HPGD: variants seen among roughly 807,000 people sequenced by gnomAD.
HPGD encodes the protein 15-hydroxyprostaglandin dehydrogenase [NAD(+)].
Under a neutral mutation model 30.0 loss-of-function variants are expected in HPGD, and 29 were observed. The ratio of observed to expected loss-of-function variants is 0.97; its 90% confidence interval spans 0.72 to 1.32. The LOEUF (loss-of-function observed/expected upper bound fraction) is 1.32. HPGD is among the 40% of genes most tolerant of loss of function. The pLI is 0.00. For synonymous variants in HPGD, 99 were observed against 112.4 expected, an observed-to-expected ratio of 0.88 and a Z score of 0.75; for missense variants, 340 against 322.1, an observed-to-expected ratio of 1.06 and a Z score of -0.43.
chr4:174,495,721 C>T, intron 4 of HPGD, 97 bp from the exon 5 acceptor site: 2 of 842,252 alleles, frequency 2.4e-6, no homozygotes, highest in East Asian at 2.6e-5. Context: ...GTGATAATTT[C>T]AATTTAAGAT....
Position 174,491,872 on chromosome 4 carries a change from T to C in HPGD, c.*84A>G. On this transcript the variant is annotated 3_prime_UTR_variant, in exon 7 of 7. Coordinates refer to ENST00000296522, the MANE Select transcript of HPGD (RefSeq NM_000860.6). The stretch of plus-strand genomic sequence containing the variant: ...GAAAACTTCAAACTGTAACATTTCA[T>C]TTAAAAGCTATATTCAAATGAAGAT... 1.6e-6 allele frequency: 2 copies of C among 1,271,998 alleles called. No individual in the cohort carries two copies. The highest frequency in any genetic ancestry group is 1.1e-6 in the Non-Finnish European group (1 of 874,644). The allele number at this position is 1,271,998 out of a possible 1,614,324, so 78.8% of individuals were successfully genotyped here.
At position 174,515,469 on chromosome 4, in the gene HPGD, T is replaced by C. The variant is rs112467316; in HGVS notation, c.324+2502A>G. Among the ~76,000 whole-genome samples the C allele has an allele frequency of 6.1e-3, 923 of 152,034 alleles. 9 individuals are homozygous for C. Among genetic ancestry groups the C allele is most frequent in the African/African-American group, 0.021 (879 of 41,504 alleles). On this transcript the variant is annotated intron_variant, in intron 3 of 6. Transcript: ENST00000296522. ...TAACCAGGTAGCCATATGCAGAAGA[T>C]TGAAACTGGACCCCTTCCTTACACC...
intron 4 of HPGD, among the ~76,000 whole-genome samples, chr4:174,497,314 C>A (rs945357342): frequency 6.6e-6 from 1 of 152,088 alleles, no homozygotes; most frequent in Non-Finnish European, 1.5e-5. Context: ...CTTTGGAACC[C>A]CAGCTAGTTC....
At chr4:174,519,602 C>T (rs1560990530) in intron 2 of HPGD, among the ~76,000 whole-genome samples, 1 of 152,100 alleles carries the variant, frequency 6.6e-6, no homozygotes, top group South Asian at 2.1e-4. Context: ...AATGGCCGGT[C>T]CTTGCCTTAA....
intron 4 of HPGD, among the ~76,000 whole-genome samples, chr4:174,502,588 G>C (rs1044388341): frequency 7.3e-5 from 11 of 150,106 alleles, no homozygotes; most frequent in Non-Finnish European, 1.6e-4. Flanking sequence ...TGAGGCAGGA[G>C]AATGGCGTGA....
At chr4:174,502,542 G>A (rs969955049) in intron 4 of HPGD, among the ~76,000 whole-genome samples, 5 of 152,088 alleles carry the variant, frequency 3.3e-5, no homozygotes, top group Non-Finnish European at 5.9e-5. Flanking sequence ...GCCAGGCGTG[G>A]TGGCGGGCGC....
chr4:174,497,790 A>G (rs1181628206), intron 4 of HPGD, among the ~76,000 whole-genome samples: 1 of 150,920 alleles, frequency 6.6e-6, no homozygotes, highest in Non-Finnish European at 1.5e-5. Flanking sequence ...GTTGGCCAGG[A>G]TGGTCTTGAT....
intron 3 of HPGD, among the ~76,000 whole-genome samples, chr4:174,512,267 G>A (rs1579295967): frequency 6.6e-6 from 1 of 152,246 alleles, no homozygotes; most frequent in South Asian, 2.1e-4. Flanking sequence ...ACTAACATCT[G>A]TAAGGACACA....
At chr4:174,495,256 A>G (rs954734784) in intron 5 of HPGD, 5 of 403,374 alleles carry the variant, frequency 1.2e-5, no homozygotes, top group African/African-American at 2.0e-5. Context: ...TGAAGTTAAT[A>G]ATATTTCCAT....
At chr4:174,515,523 C>A (rs1735725482) in intron 3 of HPGD, among the ~76,000 whole-genome samples, 2 of 151,822 alleles carry the variant, frequency 1.3e-5, no homozygotes, top group Non-Finnish European at 2.9e-5. Context: ...TATACAAATT[C>A]TAGAAGAAAA....
intron 4 of HPGD, chr4:174,507,234 A>C (rs1341261932): frequency 6.6e-6 from 1 of 152,188 alleles, no homozygotes; most frequent in African/African-American, 2.4e-5. Context: ...GTTATAATTT[A>C]TAAGTAGTTG....
chr4:174,495,022 C>T (rs1389628410), intron 5 of HPGD, among the ~76,000 whole-genome samples: 1 of 152,174 alleles, frequency 6.6e-6, no homozygotes, highest in East Asian at 1.9e-4. Flanking sequence ...CAGGCATTCT[C>T]ACCTCATGCT....
upstream of HPGD, chr4:174,522,570 G>A: frequency 3.1e-6 from 2 of 655,004 alleles, no homozygotes; most frequent in Non-Finnish European, 4.8e-6. Flanking sequence ...CTGCCAGTGG[G>A]CGGGGAGGAA....
intron 2 of HPGD, among the ~76,000 whole-genome samples, chr4:174,521,402 G>T (rs1736110851): frequency 6.6e-6 from 1 of 152,134 alleles, no homozygotes. Flanking sequence ...ACTTTATTAT[G>T]ATTACTATTA....
chr4:174,495,864 A>G (rs1734572472), intron 4 of HPGD: 1 of 523,378 alleles, frequency 1.9e-6, no homozygotes, highest in Non-Finnish European at 3.4e-6. Flanking sequence ...TACAGCCAAG[A>G]GTTATATGTG....
At chr4:174,519,972 T>C (rs1736004949) in intron 2 of HPGD, among the ~76,000 whole-genome samples, 1 of 152,130 alleles carries the variant, frequency 6.6e-6, no homozygotes, top group Non-Finnish European at 1.5e-5. Context: ...CCGGCCTTTT[T>C]TCATGGAATC....
At chr4:174,515,591 A>G (rs1367606812) in intron 3 of HPGD, among the ~76,000 whole-genome samples, 2 of 140,028 alleles carry the variant, frequency 1.4e-5, no homozygotes, top group Non-Finnish European at 3.0e-5. Context: ...TGAAGTCTCC[A>G]AAAGCAATTG....
In HPGD at chr4:174,522,428, C is replaced by T; in HGVS notation, c.24G>A (p.Ala8=). 6.3e-7 allele frequency: 1 copy of T among 1,582,938 alleles called. No individual in the cohort carries two copies. The highest frequency in any genetic ancestry group is 8.6e-7 in the Non-Finnish European group (1 of 1,165,394). The change falls in exon 1 of 7, where the codon GCG becomes GCA. Residue 8 remains alanine (A), a synonymous_variant. Transcript: ENST00000296522. ...TGCCCTGAGCCGCGCCGGTCACCAG[C>T]GCCACTTTGCCGTTCACGTGCATGG... MHVNGKV[A]LVTGAAQGIG...
chr4:174,513,572 A>C (rs1433526406), intron 3 of HPGD, among the ~76,000 whole-genome samples: 1 of 152,076 alleles, frequency 6.6e-6, no homozygotes, highest in African/African-American at 2.4e-5. Context: ...TATAAAACGG[A>C]AGAGTAAAAA....
Sources: gnomAD v4.1 joint callset for allele counts (sites outside exome capture counted in the v4.1 genomes callset) on GRCh38, gnomAD v4.1.1 for gene constraint, MANE v1.5 for transcripts, NCBI Gene and HGNC (gene_info 2026-07-23, HGNC 2026-07-21) for gene names.